Variants in SPACA7 observed in about 807,000 individuals in gnomAD.
SPACA7 encodes the protein sperm acrosome associated 7.
Under a neutral mutation model 26.3 loss-of-function variants are expected in SPACA7, and 19 were observed. The ratio of observed to expected loss-of-function variants is 0.72; its 90% CI spans 0.50 to 1.06. The LOEUF is 1.06. Among genes scored for constraint, SPACA7 ranks in the 50% least tolerant of loss-of-function variants. The pLI, the probability that SPACA7 is intolerant of heterozygous loss-of-function variation, is 0.00. For missense variants in SPACA7, 211 were observed against 229.9 expected, an observed-to-expected ratio of 0.92 and a Z score of 0.53; for synonymous variants, 84 against 84.5, an observed-to-expected ratio of 0.99 and a Z score of 0.04.
chr13:112,433,194 C>T (rs1877350828), intron 6 of SPACA7, among the ~76,000 whole-genome samples: 1 of 147,338 alleles, frequency 6.8e-6, no homozygotes, highest in Non-Finnish European at 1.5e-5. Context: ...TCCACGCAGC[C>T]TGAGACCCTC....
intron 4 of SPACA7, 141 bp downstream of exon 4, chr13:112,399,314 C>G (rs1885486945): frequency 3.0e-6 from 2 of 664,180 alleles, no homozygotes; most frequent in Non-Finnish European, 5.4e-6. Context: ...CCTGGTTGGG[C>G]AGATCTCCCA....
rs76517067 is a variant in SPACA7 at position 112,424,299 on chromosome 13, T to C, written c.446-8145T>C. ...AGATTCCCCTGTCACTGCCGTCATT[T>C]CAATTCTGCGTTTAGCCTTCTCATC... On this transcript the variant is annotated intron_variant, in intron 5 of 6. Coordinates refer to ENST00000283550, the MANE Select transcript of SPACA7 (RefSeq NM_145248.5). Among the ~76,000 whole-genome samples, 319 of 152,314 alleles carry C rather than the reference T, an allele frequency of 2.1e-3. 1 individual carries two copies. The highest frequency in any genetic ancestry group is 7.1e-3 in the African/African-American group (297 of 41,584).
At chr13:112,382,823 A>G (rs1335721885) in intron 1 of SPACA7, among the ~76,000 whole-genome samples, 1 of 151,984 alleles carries the variant, frequency 6.6e-6, no homozygotes, top group Non-Finnish European at 1.5e-5. Context: ...CCCTGTCTCT[A>G]CTAAAAACAC....
intron 1 of SPACA7, among the ~76,000 whole-genome samples, chr13:112,391,282 G>A (rs1306767352): frequency 1.3e-5 from 2 of 152,208 alleles, no homozygotes; most frequent in Non-Finnish European, 2.9e-5. Flanking sequence ...TTTCTCACGA[G>A]GAACATTGGG....
At chr13:112,426,380 G>A (rs1876534555) in intron 5 of SPACA7, among the ~76,000 whole-genome samples, 2 of 152,108 alleles carry the variant, frequency 1.3e-5, no homozygotes, top group African/African-American at 2.4e-5. Flanking sequence ...AAATCAATCT[G>A]GCTATTCTAG....
chr13:112,383,158 AAAG>A lies in SPACA7; in HGVS notation c.94+6682_94+6684del, dbSNP rs1211860560. 3.7e-5 allele frequency among the ~76,000 whole-genome samples: 5 copies of A among 136,080 alleles called. No homozygotes were observed. The South Asian group carries it at 1.2e-3, about 31-fold the overall frequency. The allele number at this position is 136,080 out of a possible 152,430, so 89.3% of individuals were successfully genotyped here. The stretch of plus-strand genomic sequence containing the variant: ...GAAAGAAAGAAAGAAAGAAAGAAAG[AAAG>A]AAAGAAAGAAAGAAAGAAAGAAAGA... On this transcript the variant is annotated intron_variant, in intron 1 of 6. Coordinates refer to ENST00000283550, the MANE Select transcript of SPACA7 (RefSeq NM_145248.5).
rs1884232675 is a variant in SPACA7, at chr13:112,383,112, AAAGAAAAGAAAAGAAAGAAAG to A, written c.94+6636_94+6656del. Among the ~76,000 whole-genome samples the A allele has an allele frequency of 4.0e-4, 3 of 7,566 alleles. No individual in the cohort carries two copies. The South Asian group carries it at 0.015, about 37-fold the overall frequency. The allele number at this position is 7,566 out of a possible 152,430, so 5.0% of individuals were successfully genotyped here. On this transcript the variant is annotated intron_variant, in intron 1 of 6. Transcript: ENST00000283550. ...AAAGAAAGAAAGAAGAAAGAAAAGA[AAAGAAAAGAAAAGAAAGAAAG>A]AAAGAAAGAAAGAAAGAAAGAAAGA...
chr13:112,410,184 G>C (rs1449963485), intron 5 of SPACA7, among the ~76,000 whole-genome samples: 1 of 152,092 alleles, frequency 6.6e-6, no homozygotes, highest in Non-Finnish European at 1.5e-5. Flanking sequence ...CTTGGACACA[G>C]GAAGGGAAAT....
At chr13:112,433,979 T>C (rs1306570505) in intron 6 of SPACA7, among the ~76,000 whole-genome samples, 1 of 152,176 alleles carries the variant, frequency 6.6e-6, no homozygotes, top group Non-Finnish European at 1.5e-5. Flanking sequence ...CCTATAACTC[T>C]AACAGCAAAA....
intron 6 of SPACA7, among the ~76,000 whole-genome samples, chr13:112,434,181 GA>G (rs1290647915): frequency 2.0e-5 from 3 of 152,212 alleles, no homozygotes; most frequent in Non-Finnish European, 4.4e-5. Context: ...CGGCCGCCAT[GA>G]GGGGAGGAGG....
At chr13:112,417,631 C>T (rs1015940415) in intron 5 of SPACA7, among the ~76,000 whole-genome samples, 2 of 152,134 alleles carry the variant, frequency 1.3e-5, no homozygotes, top group Admixed American at 6.5e-5. Flanking sequence ...TGAAGACTGA[C>T]ACATAAAATT....
chr13:112,384,085 A>G (rs987700798), intron 1 of SPACA7, among the ~76,000 whole-genome samples: 1 of 152,214 alleles, frequency 6.6e-6, no homozygotes, highest in Non-Finnish European at 1.5e-5. Flanking sequence ...TGTTTAATAC[A>G]TTAGTTTTCC....
At chr13:112,419,391 G>C (rs1886881778) in intron 5 of SPACA7, among the ~76,000 whole-genome samples, 1 of 152,158 alleles carries the variant, frequency 6.6e-6, no homozygotes, top group African/African-American at 2.4e-5. Context: ...GGAAGGACTG[G>C]GGCACAGCAG....
At chr13:112,430,170 CTCTCTG>C (rs1478304633) in intron 5 of SPACA7, among the ~76,000 whole-genome samples, 3 of 115,080 alleles carry the variant, frequency 2.6e-5, no homozygotes, top group Admixed American at 8.4e-5. Flanking sequence ...TTGCATCTCT[CTCTCTG>C]TGTGTGTGTG....
At chr13:112,417,059 T>C (rs1043570343) in intron 5 of SPACA7, among the ~76,000 whole-genome samples, 5 of 152,186 alleles carry the variant, frequency 3.3e-5, no homozygotes, top group Admixed American at 1.3e-4. Flanking sequence ...CATTGTTGCC[T>C]TGCTTTTTTG....
At chr13:112,376,786 TACACACAC>T (rs111796918) in intron 1 of SPACA7, among the ~76,000 whole-genome samples, 1 of 151,786 alleles carries the variant, frequency 6.6e-6, no homozygotes, top group Non-Finnish European at 1.5e-5. Context: ...TGTTTTTTTC[TACACACAC>T]ACACATACAC....
intron 2 of SPACA7, among the ~76,000 whole-genome samples, chr13:112,397,493 A>G (rs889433227): frequency 2.0e-5 from 3 of 152,162 alleles, no homozygotes; most frequent in Non-Finnish European, 4.4e-5. Flanking sequence ...CAGACAGGAA[A>G]CCAAAGCTCA....
intron 5 of SPACA7, among the ~76,000 whole-genome samples, chr13:112,407,597 C>T (rs1364370950): frequency 6.6e-6 from 1 of 152,132 alleles, no homozygotes; most frequent in African/African-American, 2.4e-5. Context: ...CACCTCTACG[C>T]AAATAAACTA....
At chr13:112,381,422 G>A (rs1223222440) in intron 1 of SPACA7, among the ~76,000 whole-genome samples, 1 of 151,648 alleles carries the variant, frequency 6.6e-6, no homozygotes, top group Non-Finnish European at 1.5e-5. Context: ...GAGCCCAAGA[G>A]GTCGAGGCTG....
Sources: allele counts gnomAD v4.1 joint callset (sites outside exome capture counted in the v4.1 genomes callset), GRCh38; gene constraint gnomAD v4.1.1; transcripts MANE v1.5; gene names NCBI Gene and HGNC (gene_info 2026-07-23, HGNC 2026-07-21).